PRKAG2: variants seen among roughly 807,000 people sequenced by gnomAD.
PRKAG2 encodes protein kinase AMP-activated non-catalytic subunit gamma 2.
A neutral mutation model predicts 69.6 loss-of-function variants in PRKAG2; 26 were observed. That is an observed-to-expected ratio of 0.37 (90% CI 0.27 to 0.52). PRKAG2 has a LOEUF of 0.52. PRKAG2 is among the 20% of genes least tolerant of loss of function. The pLI, the probability that PRKAG2 is intolerant of heterozygous loss-of-function variation, is 0.90. For synonymous variants in PRKAG2, 293 were observed against 285.0 expected, an observed-to-expected ratio of 1.03 and a Z score of -0.28; for missense variants, 557 against 740.0, an observed-to-expected ratio of 0.75 and a Z score of 2.87.
At chr7:151,613,825 A>T (rs1819463777) in intron 5 of PRKAG2, among the ~76,000 whole-genome samples, 1 of 132,316 alleles carries the variant, frequency 7.6e-6, no homozygotes. Flanking sequence ...TTTTTTTGAG[A>T]TGGAGTCTCG....
At chr7:151,784,544 C>T (rs1369504876) in intron 2 of PRKAG2, among the ~76,000 whole-genome samples, 4 of 152,114 alleles carry the variant, frequency 2.6e-5, no homozygotes, top group Admixed American at 1.3e-4. Flanking sequence ...GTGACAGGGC[C>T]GGGGAGGTGT....
chr7:151,582,882 T>C (rs564210363), intron 6 of PRKAG2, among the ~76,000 whole-genome samples: 23 of 152,372 alleles, frequency 1.5e-4, no homozygotes, highest in African/African-American at 4.6e-4. Context: ...AATGGATATT[T>C]CCTCACAGGT....
At position 151,632,230 on chromosome 7, in the gene PRKAG2, C is replaced by G. The variant is rs992103612; in HGVS notation, c.685-92G>C. ...CGGCCGGCCGAGCGCTGGGGCCTGG[C>G]TCTGCCGCGCCGCCGGGAGGAGGGG... On this transcript the variant is annotated intron_variant, in intron 4 of 15. Coordinates refer to ENST00000287878, the MANE Select transcript of PRKAG2 (RefSeq NM_016203.4). This position sits in a 1 kb window ranked among gnomAD's most constrained non-coding sequence, Gnocchi z 4.2. 9.1e-7 allele frequency: 1 copy of G among 1,099,076 alleles called. No homozygotes were observed. 68.1% of individuals were successfully genotyped at this position (1,099,076 alleles called of 1,614,324 possible).
chr7:151,614,548 C>A lies in PRKAG2; in HGVS notation c.754+17521G>T, dbSNP rs981337518. ...ATCGTGACTCTCCGTCCCATCCCTG[C>A]GTGCTCTCCTTCACCTCCGCCCCTC... is the stretch of plus-strand genomic sequence containing the variant. On this transcript the variant is annotated intron_variant, in intron 5 of 15. Transcript: ENST00000287878. This position sits in a 1 kb window ranked among gnomAD's most constrained non-coding sequence, Gnocchi z 4.4. Among the ~76,000 whole-genome samples, 2 of 152,250 alleles carry A rather than the reference C, an allele frequency of 1.3e-5. No individual in the cohort carries two copies. Among genetic ancestry groups the A allele is most frequent in the African/African-American group, 2.4e-5 (1 of 41,562 alleles).
chr7:151,581,899 T>C (rs553681008), intron 6 of PRKAG2, among the ~76,000 whole-genome samples: 2 of 152,342 alleles, frequency 1.3e-5, no homozygotes, highest in East Asian at 3.9e-4. Context: ...ATGCTGCAGA[T>C]ACTGTTTACG....
chr7:151,868,225 T>C (rs1348372808), intron 1 of PRKAG2, among the ~76,000 whole-genome samples: 1 of 152,198 alleles, frequency 6.6e-6, no homozygotes, highest in African/African-American at 2.4e-5. Context: ...TCAAAGTAGG[T>C]AGTGGAAGAA....
chr7:151,822,858 A>G (rs958637362), intron 1 of PRKAG2, among the ~76,000 whole-genome samples: 5 of 152,296 alleles, frequency 3.3e-5, no homozygotes, highest in East Asian at 1.9e-4. Flanking sequence ...AGGTTGCCCA[A>G]TGAATCCACA....
intron 5 of PRKAG2, among the ~76,000 whole-genome samples, chr7:151,602,003 A>G (rs1816206862): frequency 6.6e-6 from 1 of 152,218 alleles, no homozygotes; most frequent in Non-Finnish European, 1.5e-5. Flanking sequence ...AAACACTGAT[A>G]GACTAGACAG....
At chr7:151,667,788 G>A (rs961901066) in intron 4 of PRKAG2, among the ~76,000 whole-genome samples, 1 of 152,218 alleles carries the variant, frequency 6.6e-6, no homozygotes, top group Non-Finnish European at 1.5e-5. Context: ...TCCTGCCGAG[G>A]TCACTCTGGT....
At chr7:151,806,973 C>T (rs1284916168) in intron 1 of PRKAG2, 1 of 455,188 alleles carries the variant, frequency 2.2e-6, no homozygotes, top group South Asian at 1.6e-5. Flanking sequence ...TCCTAATGTA[C>T]TCATTTAAAC....
At chr7:151,795,846 CATATATATATATATATATATATATAT>C (rs55657994) in intron 1 of PRKAG2, among the ~76,000 whole-genome samples, 952 of 56,818 alleles carry the variant, frequency 0.017, 15 homozygotes, top group Non-Finnish European at 0.025. Context: ...AAACAAATCT[CATATATATATATATATATATATATAT>C]ATATATATAT....
At chr7:151,557,349 A>T (rs1803964587) in intron 15 of PRKAG2, 117 bp from the exon 16 acceptor site, 1 of 1,607,948 alleles carries the variant, frequency 6.2e-7, no homozygotes, top group Non-Finnish European at 8.5e-7. Flanking sequence ...GAGGCTTCGG[A>T]GGAGGGCGAT....
At chr7:151,714,905 G>A (rs1486739809) in intron 3 of PRKAG2, among the ~76,000 whole-genome samples, 2 of 151,642 alleles carry the variant, frequency 1.3e-5, no homozygotes, top group Non-Finnish European at 1.5e-5. Flanking sequence ...AGCCAAGATC[G>A]TGCCACTGCA....
intron 1 of PRKAG2, among the ~76,000 whole-genome samples, chr7:151,860,703 C>T (rs1378278616): frequency 1.3e-5 from 2 of 152,068 alleles, no homozygotes; most frequent in Non-Finnish European, 2.9e-5. Flanking sequence ...CAGCAAATGC[C>T]CCAAGGAGAA....
chr7:151,742,387 G>C (rs1017809587), intron 3 of PRKAG2, among the ~76,000 whole-genome samples: 3 of 152,178 alleles, frequency 2.0e-5, no homozygotes, highest in African/African-American at 7.2e-5. Flanking sequence ...CAGCACTTTG[G>C]GAGGCTGAGG....
At chr7:151,816,000 A>T (rs1395167787) in intron 1 of PRKAG2, among the ~76,000 whole-genome samples, 1 of 152,218 alleles carries the variant, frequency 6.6e-6, no homozygotes, top group African/African-American at 2.4e-5. Context: ...GTTGATGGCA[A>T]CACAAGGTGG....
At chr7:151,758,181 G>A (rs2075214879) in intron 3 of PRKAG2, among the ~76,000 whole-genome samples, 1 of 151,494 alleles carries the variant, frequency 6.6e-6, no homozygotes, top group Non-Finnish European at 1.5e-5. Flanking sequence ...ATGTCCCAAT[G>A]TCCAGCAGGG....
At chr7:151,627,753 C>T (rs372919378) in intron 5 of PRKAG2, among the ~76,000 whole-genome samples, 70 of 152,348 alleles carry the variant, frequency 4.6e-4, no homozygotes, top group African/African-American at 1.7e-3. Context: ...GGTGCAACCA[C>T]ATGCGCTCGG....
In PRKAG2 at chr7:151,876,866, G is replaced by C. The variant is rs913656289; in HGVS notation, c.-246C>G. On this transcript the variant is annotated 5_prime_UTR_variant, in exon 1 of 16. Transcript: ENST00000287878. ...GGCAAATCAGTCAAAGCCCGTCCCGGTTCTGGTGTCTCCCCGGGTTACTCG... is the reference window on the plus strand; with the variant it reads ...GGCAAATCAGTCAAAGCCCGTCCCGCTTCTGGTGTCTCCCCGGGTTACTCG... 3.5e-6 allele frequency: 2 copies of C among 572,190 alleles called. No homozygotes were observed. Among genetic ancestry groups the C allele is most frequent in the African/African-American group, 3.7e-5 (2 of 53,382 alleles). 35.4% of individuals were successfully genotyped at this position (572,190 alleles called of 1,614,324 possible). A position where few individuals can be genotyped will look rare whatever the true frequency, so the allele number is the denominator to read the frequency against.
Sources: allele counts gnomAD v4.1 joint callset (sites outside exome capture counted in the v4.1 genomes callset), GRCh38; gene constraint gnomAD v4.1.1; non-coding constraint Gnocchi (gnomAD v3.1); transcripts MANE v1.5; gene names NCBI Gene and HGNC (gene_info 2026-07-23, HGNC 2026-07-21).